Variants in DCLK1 observed in about 807,000 individuals in gnomAD.
The protein encoded by DCLK1 is doublecortin like kinase 1.
Under a neutral mutation model 86.2 loss-of-function variants are expected in DCLK1, and 16 were observed. The ratio of observed to expected loss-of-function variants is 0.19; its 90% CI spans 0.13 to 0.28. The LOEUF (loss-of-function observed/expected upper bound fraction) is 0.28, where lower values mean the gene tolerates loss of function less well. Among genes scored for constraint, DCLK1 ranks in the 10% least tolerant of loss-of-function variants. DCLK1 has a pLI of 1.00. For missense variants in DCLK1, 590 were observed against 940.2 expected, an observed-to-expected ratio of 0.63 and a Z score of 4.87; for synonymous variants, 369 against 370.5, an observed-to-expected ratio of 1.00 and a Z score of 0.05.
At chr13:36,114,182 G>A (rs1370722281) in intron 2 of DCLK1, among the ~76,000 whole-genome samples, 1 of 152,208 alleles carries the variant, frequency 6.6e-6, no homozygotes, top group Non-Finnish European at 1.5e-5. Flanking sequence ...GAGTGAGTTT[G>A]TTAAAAGAGA....
intron 4 of DCLK1, among the ~76,000 whole-genome samples, chr13:35,904,201 C>T (rs1874548577): frequency 6.6e-6 from 1 of 152,058 alleles, no homozygotes; most frequent in Admixed American, 6.6e-5. Context: ...CACTCAGCAG[C>T]AATATTTTTA....
intron 3 of DCLK1, among the ~76,000 whole-genome samples, chr13:36,063,826 C>A (rs1236430606): frequency 3.3e-5 from 5 of 152,148 alleles, no homozygotes; most frequent in Admixed American, 3.3e-4. Flanking sequence ...TTAGCATATA[C>A]TCAGTTCCTA....
chr13:35,784,335 CTT>C (rs576700120), intron 16 of DCLK1, among the ~76,000 whole-genome samples: 9 of 152,116 alleles, frequency 5.9e-5, no homozygotes, highest in African/African-American at 1.9e-4. Flanking sequence ...TTTAAAAAGA[CTT>C]ATATGTCATT....
intron 5 of DCLK1, chr13:35,869,044 A>G: frequency 4.2e-6 from 2 of 476,834 alleles, no homozygotes; most frequent in South Asian, 3.1e-5. Flanking sequence ...ACCCCCATCA[A>G]CCTCCCAAAG....
rs71643790 is a variant in DCLK1 at position 35,971,763 on chromosome 13, C to CAA, written c.724-24308_724-24307dup. ...GGGCAACAAGAGTGAAACTCCATCTCAAAAAAAAAAAAAAAATTCCATAGT... is the reference window on the plus strand; with the variant it reads ...GGGCAACAAGAGTGAAACTCCATCTCAAAAAAAAAAAAAAAAAATTCCATAGT... On this transcript the variant is annotated intron_variant, in intron 3 of 16. Coordinates refer to ENST00000360631, the MANE Select transcript of DCLK1 (RefSeq NM_001330071.2). Among the ~76,000 whole-genome samples the CAA allele has an allele frequency of 6.4e-3, 827 of 130,226 alleles. 5 individuals are homozygous for CAA. Among genetic ancestry groups the CAA allele is most frequent in the African/African-American group, 0.022 (770 of 35,382 alleles). The allele number at this position is 130,226 out of a possible 152,430, so 85.4% of individuals were successfully genotyped here. A position where few individuals can be genotyped will look rare whatever the true frequency, so the allele number is the denominator to read the frequency against.
chr13:35,791,208 C>A (rs192978840), intron 16 of DCLK1, among the ~76,000 whole-genome samples: 1 of 138,464 alleles, frequency 7.2e-6, no homozygotes, highest in Non-Finnish European at 1.6e-5. Context: ...ATCTGACAGG[C>A]ATTTTTTAAG....
intron 2 of DCLK1, among the ~76,000 whole-genome samples, chr13:36,117,628 TAATAACAAAACAACA>T (rs577520753): frequency 6.6e-6 from 1 of 152,218 alleles, no homozygotes; most frequent in Admixed American, 6.5e-5. Flanking sequence ...AAATTTTGCA[TAATAACAAAACAACA>T]AATAACAAAA....
intron 6 of DCLK1, among the ~76,000 whole-genome samples, chr13:35,844,706 T>C (rs1333387194): frequency 6.6e-6 from 1 of 152,230 alleles, no homozygotes; most frequent in Non-Finnish European, 1.5e-5. Context: ...ACATTTTATG[T>C]TAAACTCTGG....
intron 3 of DCLK1, among the ~76,000 whole-genome samples, chr13:36,037,947 C>G (rs1192327971): frequency 1.3e-5 from 2 of 152,014 alleles, no homozygotes; most frequent in African/African-American, 4.8e-5. Flanking sequence ...TATAATGTGT[C>G]AGAGACACAT....
intron 6 of DCLK1, chr13:35,846,686 C>T (rs538018594): frequency 1.9e-4 from 190 of 985,150 alleles, no homozygotes; most frequent in Non-Finnish European, 2.2e-4. Context: ...CACACTATGC[C>T]TCTGTGCAAT....
intron 3 of DCLK1, among the ~76,000 whole-genome samples, chr13:36,044,508 A>G (rs1362747735): frequency 2.0e-5 from 3 of 152,222 alleles, no homozygotes; most frequent in Non-Finnish European, 4.4e-5. Context: ...AGATCATCTG[A>G]TACATTTAAG....
intron 11 of DCLK1, among the ~76,000 whole-genome samples, chr13:35,813,998 T>C (rs1301034141): frequency 6.6e-6 from 1 of 152,164 alleles, no homozygotes; most frequent in Non-Finnish European, 1.5e-5. Context: ...CTGTTTTTTT[T>C]CTCTGTCAAC....
chr13:36,101,179 T>C (rs1237876202), intron 3 of DCLK1, among the ~76,000 whole-genome samples: 1 of 152,208 alleles, frequency 6.6e-6, no homozygotes, highest in Non-Finnish European at 1.5e-5. Context: ...TACAGACAAC[T>C]TCTAACAGCA....
At chr13:35,850,814 C>A in intron 6 of DCLK1, 1 of 1,544,860 alleles carries the variant, frequency 6.5e-7, no homozygotes, top group Non-Finnish European at 8.7e-7. Flanking sequence ...GTTTACTCGG[C>A]TTTCTTGGGT....
chr13:35,829,291 A>G (rs946218956), intron 8 of DCLK1, among the ~76,000 whole-genome samples: 1 of 152,218 alleles, frequency 6.6e-6, no homozygotes, highest in South Asian at 2.1e-4. Flanking sequence ...GAACACGTCT[A>G]TTATTAAAGG....
chr13:35,904,846 C>T (rs1462999563), intron 4 of DCLK1, among the ~76,000 whole-genome samples: 1 of 152,140 alleles, frequency 6.6e-6, no homozygotes, highest in African/African-American at 2.4e-5. Flanking sequence ...GGCTTTTTGC[C>T]CTTCTACTGT....
chr13:36,073,467 CT>C (rs1202650918), intron 3 of DCLK1, among the ~76,000 whole-genome samples: 3 of 152,024 alleles, frequency 2.0e-5, no homozygotes, highest in African/African-American at 7.2e-5. Flanking sequence ...AAGAGTCTCA[CT>C]TAACTATGTG....
chr13:35,840,133 A>G (rs1028685769), intron 6 of DCLK1, among the ~76,000 whole-genome samples: 2 of 152,184 alleles, frequency 1.3e-5, no homozygotes, highest in Non-Finnish European at 2.9e-5. Flanking sequence ...GAAGGGAAAG[A>G]GCATCTGTAG....
At chr13:35,788,812 T>C (rs1006440799) in intron 16 of DCLK1, among the ~76,000 whole-genome samples, 1 of 152,170 alleles carries the variant, frequency 6.6e-6, no homozygotes, top group South Asian at 2.1e-4. Flanking sequence ...TAAAGGTGAA[T>C]CTTTTCTTTT....
Sources: allele counts gnomAD v4.1 joint callset (sites outside exome capture counted in the v4.1 genomes callset), GRCh38; gene constraint gnomAD v4.1.1; transcripts MANE v1.5; gene names NCBI Gene and HGNC (gene_info 2026-07-23, HGNC 2026-07-21).